The following MITF variants were observed in gnomAD, a reference collection of about 807,000 sequenced individuals.
MITF encodes the protein melanocyte inducing transcription factor.
A neutral mutation model predicts 60.5 loss-of-function variants in MITF; 17 were observed. The ratio of observed to expected loss-of-function variants is 0.28; its 90% CI spans 0.19 to 0.42. MITF has a LOEUF of 0.42. Ranked by LOEUF, MITF falls within the 10% of genes least tolerant of loss-of-function variation. The pLI, the probability that MITF is intolerant of heterozygous loss-of-function variation, is 1.00. For synonymous variants in MITF, 260 were observed against 248.5 expected, an observed-to-expected ratio of 1.05 and a Z score of -0.43; for missense variants, 622 against 683.5, an observed-to-expected ratio of 0.91 and a Z score of 1.00.
chr3:69,785,181 T>C (rs973295437), intron 1 of MITF, among the ~76,000 whole-genome samples: 2 of 152,140 alleles, frequency 1.3e-5, no homozygotes, highest in Non-Finnish European at 2.9e-5. Flanking sequence ...CTGCGGGCAC[T>C]TGAACATTCT....
chr3:69,823,933 C>T (rs189701780), intron 1 of MITF, among the ~76,000 whole-genome samples: 5 of 152,268 alleles, frequency 3.3e-5, no homozygotes, highest in South Asian at 2.1e-4. Context: ...CTAAAGGCCA[C>T]GACTCACACA....
At chr3:69,776,648 A>G (rs2106858273) in intron 1 of MITF, among the ~76,000 whole-genome samples, 1 of 152,330 alleles carries the variant, frequency 6.6e-6, no homozygotes, top group Non-Finnish European at 1.5e-5. Flanking sequence ...TTCTTGAACC[A>G]GACTTCATAA....
intron 1 of MITF, among the ~76,000 whole-genome samples, chr3:69,860,519 A>AC (rs992010032): frequency 1.4e-5 from 2 of 147,926 alleles, no homozygotes; most frequent in Non-Finnish European, 3.0e-5. Flanking sequence ...AATGGCGTGA[A>AC]CCCGGAAGGC....
Position 69,967,259 on chromosome 3 carries a change from A to G in MITF, c.*2011A>G, listed in dbSNP as rs1488823891. On this transcript the variant is annotated 3_prime_UTR_variant, in exon 10 of 10. Transcript: ENST00000352241. ...TTTATTTCTTAAGGGGGTAGGGAAA[A>G]TTAGTTCCCATTCTTTCAACCCCCT... 4.3e-6 allele frequency: 1 copy of G among 232,104 alleles called. No individual in the cohort carries two copies. The highest frequency in any genetic ancestry group is 8.5e-6 in the Non-Finnish European group (1 of 117,162). 14.4% of individuals were successfully genotyped at this position (232,104 alleles called of 1,614,324 possible).
intron 1 of MITF, among the ~76,000 whole-genome samples, chr3:69,848,443 A>G (rs2063768368): frequency 6.6e-6 from 1 of 152,240 alleles, no homozygotes; most frequent in African/African-American, 2.4e-5. Flanking sequence ...GAATCAAAAC[A>G]CAATATTCTC....
At position 69,965,180 on chromosome 3, in the gene MITF, C is replaced by T. The variant is rs1303929987; in HGVS notation, c.1513C>T (p.Pro505Ser). ...VTDPLLSSVS[P>S]GASKTSSRRS... ...TGATCCACTCCTTTCCTCAGTGTCC[C>T]CCGGAGCTTCCAAAACAAGCAGCCG... The change falls in exon 10 of 10, where the codon CCC becomes TCC. Residue 505 changes from proline (P) to serine (S), a missense_variant. Physicochemically the swap from Pro to Ser is moderately conservative, Grantham distance 74 (BLOSUM62 -1). Around this residue, in one of 5 missense-constraint regions of MITF, gnomAD observed 224 missense variants for 209.5 expected, o/e 1.07. Transcript: ENST00000352241. 8 of 1,613,612 alleles carry T rather than the reference C, an allele frequency of 5.0e-6. No homozygotes were observed. Among genetic ancestry groups the T allele is most frequent in the African/African-American group, 1.3e-5 (1 of 74,902 alleles).
chr3:69,766,479 G>A (rs747950184), intron 1 of MITF, among the ~76,000 whole-genome samples: 30 of 147,630 alleles, frequency 2.0e-4, no homozygotes, highest in Admixed American at 1.2e-3. Flanking sequence ...TGCCTACTTC[G>A]GCCTCCCAAA....
intron 1 of MITF, among the ~76,000 whole-genome samples, chr3:69,774,120 T>C (rs1311768498): frequency 6.6e-6 from 1 of 152,214 alleles, no homozygotes; most frequent in East Asian, 1.9e-4. Context: ...CAGGTATGTC[T>C]TCATACCAAT....
intron 2 of MITF, among the ~76,000 whole-genome samples, chr3:69,924,984 T>A (rs75586473): frequency 0.015 from 2,322 of 152,262 alleles, 24 homozygotes; most frequent in Middle Eastern, 0.051. Flanking sequence ...TTCCTTCATC[T>A]TTTAAAGTCC....
chr3:69,869,603 A>C (rs2064184814), intron 1 of MITF, among the ~76,000 whole-genome samples: 1 of 152,162 alleles, frequency 6.6e-6, no homozygotes, highest in Non-Finnish European at 1.5e-5. Flanking sequence ...CCCCACCTCT[A>C]GTCAGCCTGG....
At chr3:69,739,743 G>T (rs2106733168) in intron 1 of MITF, 42 bp downstream of exon 1, 1 of 1,436,640 alleles carries the variant, frequency 7.0e-7, no homozygotes, top group South Asian at 1.2e-5. Context: ...GGGCGGCTGG[G>T]GGGCACTGCG....
intron 2 of MITF, among the ~76,000 whole-genome samples, chr3:69,902,513 T>C (rs2065015448): frequency 6.6e-6 from 1 of 152,200 alleles, no homozygotes; most frequent in African/African-American, 2.4e-5. Context: ...GTGACCTAGC[T>C]GTCCAGTGGG....
chr3:69,938,982 CT>C (rs754410257), intron 3 of MITF, 115 bp from the exon 4 acceptor site: 43 of 1,545,966 alleles, frequency 2.8e-5, no homozygotes, highest in Non-Finnish European at 3.8e-5. Flanking sequence ...TCAGATTCCA[CT>C]TTGTTTGAAA....
At chr3:69,761,571 A>G (rs1440269360) in intron 1 of MITF, among the ~76,000 whole-genome samples, 6 of 152,214 alleles carry the variant, frequency 3.9e-5, no homozygotes, top group Non-Finnish European at 8.8e-5. Context: ...TTGAATGGAA[A>G]GGAGACTAGG....
chr3:69,951,752 T>G (rs2066260971), intron 6 of MITF, 60 bp from the exon 7 acceptor site: 1 of 1,275,422 alleles, frequency 7.8e-7, no homozygotes. Context: ...TATTTTGTAG[T>G]TTACATTTTG....
chr3:69,790,113 A>C (rs2062716434), intron 1 of MITF, among the ~76,000 whole-genome samples: 1 of 152,236 alleles, frequency 6.6e-6, no homozygotes, highest in Non-Finnish European at 1.5e-5. Context: ...AAATCCTGTC[A>C]TATGCCATGC....
chr3:69,742,368 A>C (rs1703556958), intron 1 of MITF, among the ~76,000 whole-genome samples: 1 of 152,168 alleles, frequency 6.6e-6, no homozygotes, highest in African/African-American at 2.4e-5. Flanking sequence ...AATTGTTAGT[A>C]GTGCTGAGGT....
intron 1 of MITF, among the ~76,000 whole-genome samples, chr3:69,850,765 C>G (rs990753281): frequency 6.6e-6 from 1 of 152,156 alleles, no homozygotes; most frequent in Non-Finnish European, 1.5e-5. Flanking sequence ...GACAGGCACC[C>G]AGAATGCCAG....
chr3:69,824,303 C>T (rs1018358679), intron 1 of MITF, among the ~76,000 whole-genome samples: 1 of 152,178 alleles, frequency 6.6e-6, no homozygotes, highest in Non-Finnish European at 1.5e-5. Flanking sequence ...TCAGTTTCAT[C>T]ATCTGTATCC....
Sources: gnomAD v4.1 joint callset for allele counts (sites outside exome capture counted in the v4.1 genomes callset) on GRCh38, gnomAD v4.1.1 for gene constraint, gnomAD v4.1.1 regional missense constraint, MANE v1.5 for transcripts, NCBI Gene and HGNC (gene_info 2026-07-23, HGNC 2026-07-21) for gene names.